MED12L: variants seen among roughly 807,000 people sequenced by gnomAD.
The protein encoded by MED12L is mediator of RNA polymerase II transcription subunit 12-like protein.
MED12L carries 60 observed loss-of-function variants against 281.3 expected under a neutral mutation model. The observed-to-expected ratio is 0.21, with a 90% CI of 0.17 to 0.26. The LOEUF (loss-of-function observed/expected upper bound fraction) is 0.26. Among genes scored for constraint, MED12L ranks in the 10% least tolerant of loss-of-function variants. MED12L has a pLI of 1.00. For missense variants in MED12L, 2,146 were observed against 2,680.9 expected (o/e 0.80, Z 4.41); for synonymous variants, 974 against 987.2 (o/e 0.99, Z 0.25).
At chr3:151,146,653 A>G (rs1340157444) in intron 5 of MED12L, among the ~76,000 whole-genome samples, 1 of 152,236 alleles carries the variant, frequency 6.6e-6, no homozygotes, top group Non-Finnish European at 1.5e-5. Flanking sequence ...AAAATAACAT[A>G]GTAAAATGAG....
chr3:151,221,726 C>T (rs956975896), intron 16 of MED12L, among the ~76,000 whole-genome samples: 1 of 152,204 alleles, frequency 6.6e-6, no homozygotes, highest in Admixed American at 6.5e-5. Context: ...CCTGGATGTC[C>T]AGGCAGAAGT....
intron 16 of MED12L, among the ~76,000 whole-genome samples, chr3:151,280,055 ATTTC>A (rs748418513): frequency 6.6e-6 from 1 of 152,070 alleles, no homozygotes; most frequent in African/African-American, 2.4e-5. Context: ...GAACATGATA[ATTTC>A]TTTGACTGGA....
intron 43 of MED12L, among the ~76,000 whole-genome samples, chr3:151,428,954 C>G (rs1318329991): frequency 1.3e-5 from 2 of 152,210 alleles, no homozygotes; most frequent in Admixed American, 6.5e-5. Flanking sequence ...ACTGTACTTA[C>G]AATCCTGGGC....
chr3:151,373,322 C>T (rs1756412054), intron 27 of MED12L, among the ~76,000 whole-genome samples: 1 of 152,122 alleles, frequency 6.6e-6, no homozygotes, highest in African/African-American at 2.4e-5. Flanking sequence ...TGTCCATTTG[C>T]ACCTCAAGGG....
At chr3:151,133,721 G>C (rs956157918) in intron 5 of MED12L, among the ~76,000 whole-genome samples, 6 of 152,132 alleles carry the variant, frequency 3.9e-5, no homozygotes, top group Admixed American at 3.3e-4. Context: ...GATATTTTTA[G>C]AGTTGAATTA....
intron 11 of MED12L, among the ~76,000 whole-genome samples, chr3:151,184,520 G>A (rs774465733): frequency 2.6e-5 from 4 of 152,126 alleles, no homozygotes; most frequent in African/African-American, 7.2e-5. Context: ...ATTGGTTGGC[G>A]TGGACCCTCT....
chr3:151,418,921 C>T lies in MED12L; in HGVS notation c.6408+2499C>T, dbSNP rs186632483. On this transcript the variant is annotated intron_variant, in intron 43 of 44. Coordinates refer to ENST00000687756, the MANE Select transcript of MED12L (RefSeq NM_001393769.1). ...ATTTATGTACAGATACGTGAGATTTCGATACAAGCTTTCAATGTGTAATGA... is the reference window on the plus strand; with the variant it reads ...ATTTATGTACAGATACGTGAGATTTTGATACAAGCTTTCAATGTGTAATGA... 1.4e-4 allele frequency among the ~76,000 whole-genome samples: 22 copies of T among 152,114 alleles called. No homozygotes were observed. The East Asian group carries it at 1.5e-3, about 11-fold the overall frequency.
At chr3:151,414,403 C>G (rs1297877386) in intron 42 of MED12L, among the ~76,000 whole-genome samples, 1 of 152,200 alleles carries the variant, frequency 6.6e-6, no homozygotes, top group African/African-American at 2.4e-5. Flanking sequence ...AAGGGCTGTA[C>G]TCTCAACTCG....
chr3:151,304,631 A>G (rs1746396598), intron 16 of MED12L, among the ~76,000 whole-genome samples: 2 of 151,736 alleles, frequency 1.3e-5, no homozygotes, highest in Non-Finnish European at 2.9e-5. Context: ...ACCTCTAGCC[A>G]AGTATGGTGG....
At chr3:151,252,131 G>T (rs1736976666) in intron 16 of MED12L, among the ~76,000 whole-genome samples, 1 of 152,040 alleles carries the variant, frequency 6.6e-6, no homozygotes, top group African/African-American at 2.4e-5. Context: ...TCCCTATGCA[G>T]GATAAACTCA....
chr3:151,376,780 A>T lies in MED12L; in HGVS notation c.4054-20A>T. The T allele has an allele frequency of 1.2e-6, 2 of 1,605,168 alleles. No homozygotes were observed. Among genetic ancestry groups the T allele is most frequent in the Non-Finnish European group, 1.7e-6 (2 of 1,172,208 alleles). ...CACATTTGATACCCATAATGTTTTA[A>T]TTCTTTCCATTTTTCCCAGAATCTT... On this transcript the variant is annotated intron_variant, in intron 28 of 44. Transcript: ENST00000687756.
chr3:151,373,453 G>A lies in MED12L; in HGVS notation c.3864+687G>A, dbSNP rs757665371. 3.3e-5 allele frequency among the ~76,000 whole-genome samples: 5 copies of A among 152,120 alleles called. No homozygotes were observed. The East Asian group carries it at 5.8e-4, about 18-fold the overall frequency. ...TAAGCAATCTTTGAGGAGATACTTC[G>A]AGACAGTGCAAATTTTCTTCTCCTT... On this transcript the variant is annotated intron_variant, in intron 27 of 44. Transcript: ENST00000687756.
At chr3:151,373,447 T>C (rs1258600557) in intron 27 of MED12L, among the ~76,000 whole-genome samples, 2 of 152,162 alleles carry the variant, frequency 1.3e-5, no homozygotes, top group African/African-American at 2.4e-5. Flanking sequence ...TTTGAGGAGA[T>C]ACTTCGAGAC....
At chr3:151,387,665 C>A in intron 36 of MED12L, 145 bp from the exon 37 acceptor site, 2 of 844,902 alleles carry the variant, frequency 2.4e-6, no homozygotes, top group Non-Finnish European at 3.6e-6. Flanking sequence ...GGTGATGTAG[C>A]TGTGTAACCC....
chr3:151,132,772 A>C (rs2148824003), intron 5 of MED12L, among the ~76,000 whole-genome samples: 1 of 152,352 alleles, frequency 6.6e-6, no homozygotes, highest in East Asian at 1.9e-4. Flanking sequence ...TTGTTTTACT[A>C]TCACTTTGTT....
intron 16 of MED12L, among the ~76,000 whole-genome samples, chr3:151,255,224 G>C (rs1206612952): frequency 2.0e-5 from 3 of 152,026 alleles, no homozygotes; most frequent in East Asian, 1.9e-4. Context: ...CCATATAACA[G>C]GGGATGTGAG....
chr3:151,411,249 T>C (rs1716898690), intron 40 of MED12L, 29 bp from the exon 41 acceptor site: 6 of 1,598,132 alleles, frequency 3.8e-6, no homozygotes, highest in South Asian at 1.1e-5. Flanking sequence ...AGTTGAAACA[T>C]TGACTTCTTC....
chr3:151,278,040 C>T (rs1417158040), intron 16 of MED12L, among the ~76,000 whole-genome samples: 1 of 152,178 alleles, frequency 6.6e-6, no homozygotes, highest in Non-Finnish European at 1.5e-5. Context: ...TATATTTTGA[C>T]AGCCACGATT....
intron 21 of MED12L, among the ~76,000 whole-genome samples, chr3:151,362,677 C>T (rs976806094): frequency 1.3e-5 from 2 of 151,916 alleles, no homozygotes; most frequent in African/African-American, 4.8e-5. Context: ...CTGCTACATC[C>T]CAGTGTCTTG....
Sources: gnomAD v4.1 joint callset for allele counts (sites outside exome capture counted in the v4.1 genomes callset) on GRCh38, gnomAD v4.1.1 for gene constraint, MANE v1.5 for transcripts, NCBI Gene and HGNC (gene_info 2026-07-23, HGNC 2026-07-21) for gene names.